Variants in MIA2 observed in about 807,000 individuals in gnomAD.
The protein encoded by MIA2 is MIA SH3 domain ER export factor 2.
A neutral mutation model predicts 167.8 loss-of-function variants in MIA2; 127 were observed. The ratio of observed to expected loss-of-function variants is 0.76; its 90% CI spans 0.66 to 0.88. MIA2 has a LOEUF of 0.88. Ranked by LOEUF, MIA2 falls within the 40% of genes least tolerant of loss-of-function variation. The pLI is 0.00. For synonymous variants in MIA2, 552 were observed against 541.9 expected (o/e 1.02, Z -0.26); for missense variants, 1,690 against 1,624.7 (o/e 1.04, Z -0.69).
intron 24 of MIA2, among the ~76,000 whole-genome samples, chr14:39,326,570 TTAAG>T (rs1379803951): frequency 2.0e-5 from 3 of 151,042 alleles, no homozygotes; most frequent in Non-Finnish European, 3.0e-5. Context: ...ATATATTAGT[TTAAG>T]CAACAAAATC....
At chr14:39,282,326 G>GT (rs1192509419) in intron 9 of MIA2, among the ~76,000 whole-genome samples, 1 of 151,946 alleles carries the variant, frequency 6.6e-6, no homozygotes, top group East Asian at 1.9e-4. Flanking sequence ...CTTTGATTTT[G>GT]TTTTTTGTAA....
intron 6 of MIA2, chr14:39,266,952 C>T (rs1353827829): frequency 4.6e-6 from 3 of 656,298 alleles, no homozygotes; most frequent in Non-Finnish European, 5.7e-6. Context: ...TGGGGTTGTG[C>T]GGCTCACACG....
chr14:39,244,110 T>C (rs1313083582), intron 3 of MIA2, among the ~76,000 whole-genome samples: 1 of 152,148 alleles, frequency 6.6e-6, no homozygotes, highest in Non-Finnish European at 1.5e-5. Flanking sequence ...GGAATGGGGG[T>C]CTTACGCCCT....
chr14:39,356,543 T>C (rs1365823824), intron 23 of MIA2, among the ~76,000 whole-genome samples: 1 of 152,208 alleles, frequency 6.6e-6, no homozygotes, highest in Non-Finnish European at 1.5e-5. Context: ...GTTTTTTGTG[T>C]CTCTATCTCC....
intron 17 of MIA2, among the ~76,000 whole-genome samples, chr14:39,304,814 T>C (rs2063074475): frequency 6.6e-6 from 1 of 152,178 alleles, no homozygotes; most frequent in Non-Finnish European, 1.5e-5. Context: ...ACGAGAGTGA[T>C]GTTAGACCTG....
chr14:39,234,175 G>A lies in MIA2; in HGVS notation c.61G>A (p.Glu21Lys). The stretch of plus-strand genomic sequence containing the variant: ...GGCTATTTCTCTGACAAAGTGTCTG[G>A]AGAGTACAAAACTGCTGGCAGACCT... Reference protein sequence around the residue: ...LLAISLTKCLESTKLLADLKK... With the variant: ...LLAISLTKCLKSTKLLADLKK... The change falls in exon 1 of 29, where the codon GAG becomes AAG. Residue 21 changes from glutamate (E) to lysine (K), a missense_variant. Glu to Lys is a moderately conservative substitution (Grantham distance 56). Coordinates refer to ENST00000640607, the MANE Select transcript of MIA2 (RefSeq NM_001329214.4). 1 of 1,610,220 alleles carries A rather than the reference G, an allele frequency of 6.2e-7. No homozygotes were observed. Among genetic ancestry groups the A allele is most frequent in the South Asian group, 1.1e-5 (1 of 90,314 alleles).
intron 3 of MIA2, among the ~76,000 whole-genome samples, chr14:39,245,587 A>C (rs2054264237): frequency 6.6e-6 from 1 of 152,208 alleles, no homozygotes; most frequent in Non-Finnish European, 1.5e-5. Flanking sequence ...CTATAACAGA[A>C]TACCAGAGAC....
chr14:39,311,492 T>TC (rs1566869293), intron 18 of MIA2, among the ~76,000 whole-genome samples: 2 of 85,402 alleles, frequency 2.3e-5, no homozygotes, highest in African/African-American at 8.0e-5. Flanking sequence ...TTTTTTTTTT[T>TC]GGTGAGATGA....
intron 17 of MIA2, among the ~76,000 whole-genome samples, chr14:39,308,083 T>A (rs1447971100): frequency 1.3e-5 from 2 of 152,178 alleles, no homozygotes; most frequent in African/African-American, 4.8e-5. Context: ...TTCTTAGATC[T>A]ACTTTATTTG....
At chr14:39,357,949 T>A (rs1262246380) in intron 23 of MIA2, among the ~76,000 whole-genome samples, 5 of 152,356 alleles carry the variant, frequency 3.3e-5, no homozygotes, top group Admixed American at 6.5e-5. Context: ...CTTCCCTTTG[T>A]GGGTAACCCG....
intron 26 of MIA2, 50 bp downstream of exon 26, chr14:39,346,076 A>G (rs1366049100): frequency 2.0e-6 from 3 of 1,506,424 alleles, no homozygotes; most frequent in Non-Finnish European, 2.8e-6. Context: ...GTGGCACACT[A>G]AAGAACTGGA....
At chr14:39,340,062 C>G (rs528801351) in intron 25 of MIA2, among the ~76,000 whole-genome samples, 8 of 152,230 alleles carry the variant, frequency 5.3e-5, no homozygotes, top group Non-Finnish European at 1.0e-4. Context: ...AGGCAGGTTT[C>G]GAAATCCTTG....
rs1210508143 is a variant in MIA2 at position 39,247,332 on chromosome 14, G to A, written c.758G>A (p.Ser253Asn). ...IEPVQESSFR[S>N]RKIAVEDEND... Reference sequence around the variant, plus strand: ...CCTGTACAAGAAAGCTCATTTCGGAGTAGAAAAATAGCAGTGGAAGATGAG... The same window carrying A: ...CCTGTACAAGAAAGCTCATTTCGGAATAGAAAAATAGCAGTGGAAGATGAG... The change falls in exon 4 of 29, where the codon AGT becomes AAT. Residue 253 changes from serine to asparagine, a missense_variant. By Grantham distance (46) the Ser-to-Asn change is conservative. Transcript: ENST00000640607. The A allele has an allele frequency of 6.2e-7, 1 of 1,614,090 alleles. No homozygotes were observed. The highest frequency in any genetic ancestry group is 1.3e-5 in the African/African-American group (1 of 75,046).
chr14:39,246,006 T>A (rs1425798063), intron 3 of MIA2, among the ~76,000 whole-genome samples: 1 of 152,204 alleles, frequency 6.6e-6, no homozygotes, highest in Non-Finnish European at 1.5e-5. Context: ...TGCCTTTTCA[T>A]CAGATTTTGT....
chr14:39,274,678 G>T, intron 6 of MIA2, among the ~76,000 whole-genome samples: 1 of 150,844 alleles, frequency 6.6e-6, no homozygotes, highest in East Asian at 2.0e-4. Context: ...TGCCCACCTT[G>T]GCCTCCCAAA....
chr14:39,378,986 C>T (rs116538554), intron 23 of MIA2, among the ~76,000 whole-genome samples: 4,866 of 152,176 alleles, frequency 0.032, 281 homozygotes, highest in African/African-American at 0.11. Context: ...AATCTTTATT[C>T]TTTGAGAGGG....
Position 39,348,983 on chromosome 14 carries a change from CT to C in MIA2, c.4072+12del, listed in dbSNP as rs751560700. The C allele has an allele frequency of 6.2e-7, 1 of 1,606,140 alleles. No homozygotes were observed. Among genetic ancestry groups the C allele is most frequent in the South Asian group, 1.1e-5 (1 of 90,918 alleles). ...ACCACCTGCTCCATTTGCAAGTATG[CT>C]TTTTTAAACTTTTTTTTTAAAGCTC... On this transcript the variant is annotated splice_region_variant and intron_variant, in intron 28 of 28. Transcript: ENST00000640607.
At chr14:39,357,029 T>C (rs571046399) in intron 23 of MIA2, among the ~76,000 whole-genome samples, 1 of 152,360 alleles carries the variant, frequency 6.6e-6, no homozygotes, top group East Asian at 1.9e-4. Context: ...ATATATTCTG[T>C]TGAATTCGGG....
At chr14:39,380,671 G>A (rs12185014) in intron 23 of MIA2, among the ~76,000 whole-genome samples, 11,008 of 128,270 alleles carry the variant, frequency 0.086, 499 homozygotes, top group South Asian at 0.2. Flanking sequence ...CCAGCCTGGC[G>A]ACAGAGCGAG....
Sources: gnomAD v4.1 joint callset for allele counts (sites outside exome capture counted in the v4.1 genomes callset) on GRCh38, gnomAD v4.1.1 for gene constraint, MANE v1.5 for transcripts, NCBI Gene and HGNC (gene_info 2026-07-23, HGNC 2026-07-21) for gene names.